FRYL: variants seen among roughly 807,000 people sequenced by gnomAD.
The protein encoded by FRYL is protein furry homolog-like.
In FRYL, 150 loss-of-function variants were observed where a neutral mutation model predicts 351.2. The observed-to-expected ratio is 0.43, with a 90% CI of 0.37 to 0.49. The LOEUF is 0.49. Ranked by LOEUF, FRYL falls within the 20% of genes least tolerant of loss-of-function variation. The pLI, the probability that FRYL is intolerant of heterozygous loss-of-function variation, is 0.00. For missense variants in FRYL, 3,036 were observed against 3,619.3 expected, an observed-to-expected ratio of 0.84 and a Z score of 4.13; for synonymous variants, 1,153 against 1,257.1, an observed-to-expected ratio of 0.92 and a Z score of 1.75.
chr4:48,567,248 C>G lies in FRYL; in HGVS notation c.3169G>C (p.Val1057Leu). The change falls in exon 28 of 64, where the codon GTG becomes CTG. Residue 1057 changes from valine to leucine, a missense_variant and splice_region_variant. Val to Leu is a conservative substitution (Grantham distance 32). This residue lies in a region of FRYL where 15 missense variants were observed against 41.9 expected (regional missense o/e 0.36). Transcript: ENST00000358350. This position sits in a 1 kb window ranked among gnomAD's most constrained non-coding sequence, Gnocchi z 4.2. ...LVANIIQNVP[V>L]HQRRSIFPQQ... ...TGCTTTAAGAAACTGAAAATAATAC[C>G]TGGAACATTCTGAATAATATTCGCC... 6.2e-7 allele frequency: 1 copy of G among 1,603,012 alleles called. No individual in the cohort carries two copies. Among genetic ancestry groups the G allele is most frequent in the Non-Finnish European group, 8.5e-7 (1 of 1,176,270 alleles).
At chr4:48,700,223 T>A (rs1766589066) in intron 2 of FRYL, among the ~76,000 whole-genome samples, 1 of 152,188 alleles carries the variant, frequency 6.6e-6, no homozygotes, top group South Asian at 2.1e-4. Context: ...GATTTTTTTT[T>A]AATATATCAG....
intron 3 of FRYL, among the ~76,000 whole-genome samples, chr4:48,658,853 A>G (rs1453825921): frequency 1.5e-5 from 1 of 67,034 alleles, no homozygotes; most frequent in Non-Finnish European, 2.8e-5. Flanking sequence ...AAATATAAAC[A>G]AGAAAAAAAA....
chr4:48,664,232 A>C (rs1761337737), intron 3 of FRYL, among the ~76,000 whole-genome samples: 1 of 152,202 alleles, frequency 6.6e-6, no homozygotes, highest in African/African-American at 2.4e-5. Flanking sequence ...GAAATGCCCA[A>C]GAAGGGTTTT....
At chr4:48,704,262 G>C (rs569024002) in intron 2 of FRYL, among the ~76,000 whole-genome samples, 2 of 152,146 alleles carry the variant, frequency 1.3e-5, no homozygotes, top group African/African-American at 4.8e-5. Flanking sequence ...TAAAGAAATG[G>C]ACAGTTGGAA....
At chr4:48,566,890 T>C (rs1255971425) in intron 28 of FRYL, among the ~76,000 whole-genome samples, 1 of 152,170 alleles carries the variant, frequency 6.6e-6, no homozygotes, top group Non-Finnish European at 1.5e-5. Context: ...GCCTATACTC[T>C]TTTCCCATTA....
At chr4:48,699,118 T>C (rs1766482451) in intron 2 of FRYL, among the ~76,000 whole-genome samples, 4 of 152,246 alleles carry the variant, frequency 2.6e-5, no homozygotes, top group Admixed American at 2.6e-4. Context: ...AAAAGTACTG[T>C]ACCTCTGGAT....
At chr4:48,515,958 A>G (rs1395340608) in intron 55 of FRYL, among the ~76,000 whole-genome samples, 1 of 152,114 alleles carries the variant, frequency 6.6e-6, no homozygotes, top group Non-Finnish European at 1.5e-5. Flanking sequence ...TATTCCGGAT[A>G]TAAGTAGGAG....
intron 3 of FRYL, among the ~76,000 whole-genome samples, chr4:48,643,194 G>C (rs1342906700): frequency 1.3e-5 from 2 of 152,208 alleles, no homozygotes; most frequent in Non-Finnish European, 2.9e-5. Context: ...GACTGGGGGA[G>C]GTTGACAACT....
intron 2 of FRYL, among the ~76,000 whole-genome samples, chr4:48,694,907 A>C (rs1234753093): frequency 6.6e-6 from 1 of 152,078 alleles, no homozygotes; most frequent in Non-Finnish European, 1.5e-5. Context: ...CCTCATCTCT[A>C]GTAAAAGTAA....
At chr4:48,545,119 C>T (rs1318093269) in intron 42 of FRYL, among the ~76,000 whole-genome samples, 3 of 152,208 alleles carry the variant, frequency 2.0e-5, no homozygotes, top group Non-Finnish European at 4.4e-5. Flanking sequence ...CAGTCAAATT[C>T]TCTCAGACGT....
Position 48,531,296 on chromosome 4 carries a change from T to C in FRYL, c.6763A>G (p.Ser2255Gly). 1 of 1,613,750 alleles carries C rather than the reference T, an allele frequency of 6.2e-7. No homozygotes were observed. Among genetic ancestry groups the C allele is most frequent in the Non-Finnish European group, 8.5e-7 (1 of 1,179,718 alleles). The stretch of plus-strand genomic sequence containing the variant: ...GGGATATCACTGGGTACGACAAGAC[T>C]CGCAGAGCGTGACACCACCAGCTTT... The part of the protein sequence containing the change: ...ILKLVVSRSA[S>G]LVVPSDIPKT... The change falls in exon 50 of 64, where the codon AGT (serine) becomes GGT (glycine). Residue 2255 changes from serine (S) to glycine (G), a missense_variant. Physicochemically the swap from Ser to Gly is moderately conservative, Grantham distance 56. Coordinates refer to ENST00000358350, the MANE Select transcript of FRYL (RefSeq NM_015030.2).
chr4:48,599,605 T>A (rs562648722), intron 13 of FRYL, among the ~76,000 whole-genome samples: 2 of 152,298 alleles, frequency 1.3e-5, no homozygotes, highest in East Asian at 3.9e-4. Context: ...TCCAACAACA[T>A]TCCTTATACT....
intron 1 of FRYL, among the ~76,000 whole-genome samples, chr4:48,711,370 G>A (rs1413241961): frequency 8.6e-5 from 13 of 151,402 alleles, no homozygotes; most frequent in South Asian, 2.1e-4. Flanking sequence ...CAAATACTGC[G>A]CTTTTCCAAC....
At chr4:48,703,671 C>T (rs1175941149) in intron 2 of FRYL, among the ~76,000 whole-genome samples, 1 of 152,210 alleles carries the variant, frequency 6.6e-6, no homozygotes, top group African/African-American at 2.4e-5. Context: ...AGGCAACTCA[C>T]AACCTCTCCA....
intron 45 of FRYL, 96 bp from the exon 46 acceptor site, chr4:48,541,056 C>T: frequency 8.3e-7 from 1 of 1,202,266 alleles, no homozygotes; most frequent in Non-Finnish European, 1.1e-6. Context: ...GTAACTGGTA[C>T]CAGAAAAATC....
Position 48,535,659 on chromosome 4 carries a change from C to T in FRYL, c.6562G>A (p.Glu2188Lys). 1 of 1,574,206 alleles carries T rather than the reference C, an allele frequency of 6.4e-7. No homozygotes were observed. Residue 2188 changes from glutamate to lysine, a missense_variant and splice_region_variant, in exon 48 of 64, where the codon GAG becomes AAG. Coordinates refer to ENST00000358350, the MANE Select transcript of FRYL (RefSeq NM_015030.2). ...GAAAATATTTTTGGTAAATTTACCT[C>T]TGCAAGATAAGTCACAAGATTAAAT... Reference protein sequence around the residue: ...TTFNLVTYLAELLEKGLSSMQ... With the variant: ...TTFNLVTYLAKLLEKGLSSMQ...
chr4:48,742,506 T>C (rs543178981), intron 1 of FRYL, among the ~76,000 whole-genome samples: 1 of 152,290 alleles, frequency 6.6e-6, no homozygotes, highest in East Asian at 1.9e-4. Flanking sequence ...CTCCAACTTA[T>C]CCAGTCTCAC....
Position 48,535,651 on chromosome 4 carries a change from A to G in FRYL, c.6564+6T>C. ...GTAAATAAGAAAATATTTTTGGTAA[A>G]TTTACCTCTGCAAGATAAGTCACAA... On this transcript the variant is annotated splice_donor_region_variant and intron_variant, in intron 48 of 63. Transcript: ENST00000358350. 6.4e-7 allele frequency: 1 copy of G among 1,561,310 alleles called. No homozygotes were observed. Among genetic ancestry groups the G allele is most frequent in the Non-Finnish European group, 8.7e-7 (1 of 1,152,616 alleles).
At chr4:48,773,214 TTATTA>T (rs1490176878) in intron 1 of FRYL, among the ~76,000 whole-genome samples, 3 of 152,208 alleles carry the variant, frequency 2.0e-5, no homozygotes, top group African/African-American at 7.2e-5. Flanking sequence ...TCTATCATTA[TTATTA>T]TAAGACGCAA....
Sources: allele counts gnomAD v4.1 joint callset (sites outside exome capture counted in the v4.1 genomes callset), GRCh38; gene constraint gnomAD v4.1.1; regional missense constraint gnomAD v4.1.1; non-coding constraint Gnocchi (gnomAD v3.1); transcripts MANE v1.5; gene names NCBI Gene and HGNC (gene_info 2026-07-23, HGNC 2026-07-21).